Variants in PTPN20 observed in about 807,000 individuals in gnomAD.
The protein encoded by PTPN20 is tyrosine-protein phosphatase non-receptor type 20.
Under a neutral mutation model 35.0 loss-of-function variants are expected in PTPN20, and 9 were observed. The ratio of observed to expected loss-of-function variants is 0.26; its 90% CI spans 0.15 to 0.45. The LOEUF (loss-of-function observed/expected upper bound fraction) is 0.45, where lower values mean the gene tolerates loss of function less well. Ranked by LOEUF, PTPN20 falls within the 20% of genes least tolerant of loss-of-function variation. The pLI is 1.00. For missense variants in PTPN20, 111 were observed against 312.5 expected, an observed-to-expected ratio of 0.36 and a Z score of 4.86; for synonymous variants, 32 against 100.2, an observed-to-expected ratio of 0.32 and a Z score of 4.06.
chr10:46,993,333 G>C (rs1360563371), intron 9 of PTPN20, among the ~76,000 whole-genome samples: 1 of 152,186 alleles, frequency 6.6e-6, no homozygotes, highest in Non-Finnish European at 1.5e-5. Context: ...GGGGCAGCTC[G>C]AGCCAAAGAT....
intron 5 of PTPN20, among the ~76,000 whole-genome samples, chr10:46,953,308 T>G (rs2994137): frequency 6.8e-6 from 1 of 147,144 alleles, no homozygotes; most frequent in Non-Finnish European, 1.5e-5. Context: ...ATTTTTCTAC[T>G]TTTCCAATGT....
At position 46,920,453 on chromosome 10, in the gene PTPN20, A is replaced by G. The variant is rs540430952; in HGVS notation, c.-124+8952A>G. 5.9e-3 allele frequency among the ~76,000 whole-genome samples: 878 copies of G among 149,124 alleles called. 34 individuals are homozygous for G. Among genetic ancestry groups the G allele is most frequent in the African/African-American group, 0.021 (810 of 38,886 alleles). On this transcript the variant is annotated intron_variant, in intron 1 of 10. Transcript: ENST00000374339. ...TGTAAGACAGGTAGATGTTCACACCATTACTCCCCAGACTCAGGGCTTATA... is the reference window on the plus strand; with the variant it reads ...TGTAAGACAGGTAGATGTTCACACCGTTACTCCCCAGACTCAGGGCTTATA...
Position 46,971,005 on chromosome 10 carries a change from A to G in PTPN20, c.583+2958A>G, listed in dbSNP as rs1401851255. ...AATATTTCTAATGTTTTAAATTACAATGTTCTAAATATTAGTCTTGCTATT... is the reference window on the plus strand; with the variant it reads ...AATATTTCTAATGTTTTAAATTACAGTGTTCTAAATATTAGTCTTGCTATT... On this transcript the variant is annotated intron_variant, in intron 7 of 10. Transcript: ENST00000374339. Among the ~76,000 whole-genome samples, 4 of 68,482 alleles carry G rather than the reference A, an allele frequency of 5.8e-5. 1 individual carries two copies. Among genetic ancestry groups the G allele is most frequent in the Non-Finnish European group, 4.8e-5 (2 of 41,970 alleles). 44.9% of individuals were successfully genotyped at this position (68,482 alleles called of 152,430 possible).
chr10:46,957,541 A>G, intron 5 of PTPN20, among the ~76,000 whole-genome samples: 1 of 152,082 alleles, frequency 6.6e-6, no homozygotes, highest in East Asian at 1.9e-4. Context: ...GTTCACGACC[A>G]CCCTAGGCAA....
chr10:46,939,999 T>C (rs1346890743), intron 2 of PTPN20, among the ~76,000 whole-genome samples: 2 of 152,178 alleles, frequency 1.3e-5, no homozygotes, highest in Non-Finnish European at 1.5e-5. Flanking sequence ...AACAGTACTC[T>C]GAGTGCTCAG....
chr10:47,000,053 G>T (rs2059838646), intron 10 of PTPN20, 79 bp downstream of exon 10: 2 of 1,582,388 alleles, frequency 1.3e-6, no homozygotes, highest in East Asian at 4.5e-5. Flanking sequence ...CCACTTAAAA[G>T]CTCTTTTATT....
intron 2 of PTPN20, 82 bp downstream of exon 2, chr10:46,932,615 A>G (rs2040093775): frequency 1.1e-5 from 17 of 1,566,478 alleles, no homozygotes; most frequent in Non-Finnish European, 1.5e-5. Flanking sequence ...TTGCATAGGG[A>G]CCACCTGTGG....
At chr10:46,925,862 T>G (rs1416139465) in intron 1 of PTPN20, 1 of 353,078 alleles carries the variant, frequency 2.8e-6, no homozygotes, top group East Asian at 1.7e-4. Flanking sequence ...ATTTTATAGA[T>G]TGAGTGACTA....
chr10:46,981,538 C>G (rs1421964402), intron 7 of PTPN20: 3 of 142,506 alleles, frequency 2.1e-5, no homozygotes, highest in Non-Finnish European at 4.6e-5. Context: ...TTCCATAATG[C>G]ATGGAGCAGT....
intron 9 of PTPN20, among the ~76,000 whole-genome samples, chr10:46,992,553 A>G (rs1335518610): frequency 6.6e-6 from 1 of 152,168 alleles, no homozygotes; most frequent in Non-Finnish European, 1.5e-5. Context: ...AAATTTCTGT[A>G]GTGAATTTTT....
At chr10:46,983,832 C>T (rs1555172250) in intron 7 of PTPN20, among the ~76,000 whole-genome samples, 56 of 144,094 alleles carry the variant, frequency 3.9e-4, no homozygotes, top group Non-Finnish European at 4.5e-5. Flanking sequence ...TTCAGATTTG[C>T]AGGATAATAT....
chr10:46,932,871 CT>C (rs2040201068), intron 2 of PTPN20, among the ~76,000 whole-genome samples: 1 of 127,968 alleles, frequency 7.8e-6, no homozygotes, highest in Non-Finnish European at 1.6e-5. Context: ...TAAAAACAAC[CT>C]GTAATCTGCC....
chr10:46,997,222 G>A (rs1270640092), intron 9 of PTPN20, among the ~76,000 whole-genome samples: 2 of 152,026 alleles, frequency 1.3e-5, no homozygotes, highest in East Asian at 1.9e-4. Context: ...TTTCTTTGGA[G>A]CAATTGTAAA....
rs1171523413 is a variant in PTPN20 at position 47,001,765 on chromosome 10, A to G, written c.*1024A>G. 7 of 152,120 alleles carry G rather than the reference A, an allele frequency of 4.6e-5. No individual in the cohort carries two copies. Among genetic ancestry groups the G allele is most frequent in the African/African-American group, 7.2e-5 (3 of 41,436 alleles). The allele number at this position is 152,120 out of a possible 1,614,324, so 9.4% of individuals were successfully genotyped here. On this transcript the variant is annotated 3_prime_UTR_variant, in exon 11 of 11. Transcript: ENST00000374339. The stretch of plus-strand genomic sequence containing the variant: ...AACCCAATTTTGGAAAACCAGATTC[A>G]TAGTCATGAAAATGGAAACTTCCAT...
At chr10:46,994,498 A>T (rs935760525) in intron 9 of PTPN20, among the ~76,000 whole-genome samples, 2 of 150,948 alleles carry the variant, frequency 1.3e-5, no homozygotes, top group Admixed American at 6.6e-5. Flanking sequence ...CGCCCGGCTA[A>T]TTTTTTTGTA....
intron 1 of PTPN20, among the ~76,000 whole-genome samples, chr10:46,921,403 CTTTG>C (rs2035258573): frequency 7.6e-6 from 1 of 131,204 alleles, no homozygotes; most frequent in Admixed American, 7.8e-5. Context: ...TTTAAGAGTT[CTTTG>C]TTTATTTTTT....
intron 9 of PTPN20, among the ~76,000 whole-genome samples, chr10:46,997,704 C>CA (rs1292734926): frequency 2.7e-5 from 4 of 147,790 alleles, no homozygotes; most frequent in African/African-American, 7.5e-5. Flanking sequence ...AAGGAACCCT[C>CA]AAAAATCAAT....
intron 4 of PTPN20, among the ~76,000 whole-genome samples, chr10:46,945,216 G>A (rs1223497055): frequency 7.9e-5 from 12 of 151,462 alleles, no homozygotes; most frequent in African/African-American, 2.7e-4. Flanking sequence ...GTGAAGCTGA[G>A]TATACATTTT....
chr10:46,940,971 C>G lies in PTPN20; in HGVS notation c.129+254C>G, dbSNP rs1311535954. Among the ~76,000 whole-genome samples, 2 of 151,702 alleles carry G rather than the reference C, an allele frequency of 1.3e-5. 1 individual carries two copies. The highest frequency in any genetic ancestry group is 2.9e-5 in the Non-Finnish European group (2 of 68,042). ...TAGTTTTGTGTTACTAATGAAGATA[C>G]AAAATAAATGTCACATGAAGTATGA... On this transcript the variant is annotated intron_variant, in intron 3 of 10. Transcript: ENST00000374339.
Sources: gnomAD v4.1 joint callset for allele counts (sites outside exome capture counted in the v4.1 genomes callset) on GRCh38, gnomAD v4.1.1 for gene constraint, MANE v1.5 for transcripts, NCBI Gene and HGNC (gene_info 2026-07-23, HGNC 2026-07-21) for gene names.